The following SCN11A variants were observed in gnomAD, a reference collection of about 807,000 sequenced individuals.
SCN11A encodes the protein sodium channel protein type 11 subunit alpha.
Under a neutral mutation model 162.2 loss-of-function variants are expected in SCN11A, and 122 were observed. The observed-to-expected ratio is 0.75, with a 90% CI of 0.65 to 0.87. SCN11A has a LOEUF of 0.87. Ranked by LOEUF, SCN11A falls within the 40% of genes least tolerant of loss-of-function variation. The pLI, the probability that SCN11A is intolerant of heterozygous loss-of-function variation, is 0.00. For synonymous variants in SCN11A, 758 were observed against 751.5 expected (o/e 1.01, Z -0.14); for missense variants, 2,015 against 2,181.6 (o/e 0.92, Z 1.52).
chr3:39,039,241 GC>G (rs2031981363), intron 1 of SCN11A, among the ~76,000 whole-genome samples: 1 of 152,204 alleles, frequency 6.6e-6, no homozygotes, highest in Admixed American at 6.5e-5. Context: ...AACCACCGAA[GC>G]CCAGAATTTC....
intron 1 of SCN11A, among the ~76,000 whole-genome samples, chr3:39,042,497 A>T (rs925584142): frequency 6.6e-6 from 1 of 152,226 alleles, no homozygotes; most frequent in Non-Finnish European, 1.5e-5. Flanking sequence ...ATGGGATCAC[A>T]TCAAGATTCC....
chr3:38,872,446 A>G, intron 23 of SCN11A, 152 bp from the exon 24 acceptor site: 1 of 574,162 alleles, frequency 1.7e-6, no homozygotes, highest in South Asian at 2.1e-5. Flanking sequence ...AAATCCGAGA[A>G]ATTGTTGTGA....
Position 38,845,804 on chromosome 3 carries a change from T to TATCAGATATATATATATCAG in SCN11A, c.*889_*890insCTGATATATATATATCTGAT, listed in dbSNP as rs1005191612. 7 of 152,150 alleles carry TATCAGATATATATATATCAG rather than the reference T, an allele frequency of 4.6e-5. No homozygotes were observed. The highest frequency in any genetic ancestry group is 1.7e-4 in the African/African-American group (7 of 41,428). The allele number at this position is 152,150 out of a possible 1,614,324, so 9.4% of individuals were successfully genotyped here. A position where few individuals can be genotyped will look rare whatever the true frequency, so the allele number is the denominator to read the frequency against. The stretch of plus-strand genomic sequence containing the variant: ...CAGAAAGCTTTATTGAATTTATATA[T>TATCAGATATATATATATCAG]ATATATATATCTGAGATGGTAGCTT... On this transcript the variant is annotated 3_prime_UTR_variant, in exon 30 of 30. Transcript: ENST00000302328.
chr3:38,981,585 C>A (rs2030060629), intron 2 of SCN11A, among the ~76,000 whole-genome samples: 1 of 150,428 alleles, frequency 6.6e-6, no homozygotes, highest in East Asian at 1.9e-4. Flanking sequence ...CATCCGTGGT[C>A]TCAGGAAAGA....
At chr3:38,886,549 A>T (rs2126109606) in intron 19 of SCN11A, among the ~76,000 whole-genome samples, 1 of 152,316 alleles carries the variant, frequency 6.6e-6, no homozygotes, top group South Asian at 2.1e-4. Flanking sequence ...TTACATGGGG[A>T]TTTAATATAT....
At chr3:39,044,925 A>G (rs908455958) in intron 1 of SCN11A, among the ~76,000 whole-genome samples, 2 of 152,052 alleles carry the variant, frequency 1.3e-5, no homozygotes, top group Non-Finnish European at 2.9e-5. Context: ...GTAATTTTAA[A>G]AAAAGAGAGC....
chr3:38,986,541 C>T (rs757080314), intron 2 of SCN11A, among the ~76,000 whole-genome samples: 1 of 152,158 alleles, frequency 6.6e-6, no homozygotes, highest in Non-Finnish European at 1.5e-5. Context: ...AACCCCGAAA[C>T]TGAAGATGTA....
At chr3:38,932,289 G>A (rs1348437921) in intron 7 of SCN11A, among the ~76,000 whole-genome samples, 3 of 152,248 alleles carry the variant, frequency 2.0e-5, no homozygotes, top group East Asian at 3.8e-4. Flanking sequence ...CCCAGCGTGA[G>A]CGACGCAGAA....
chr3:38,950,571 A>G, intron 4 of SCN11A: 5 of 578,002 alleles, frequency 8.7e-6, no homozygotes, highest in Non-Finnish European at 1.5e-5. Context: ...AACTTTTGGC[A>G]TAGACAAAAC....
Position 39,041,309 on chromosome 3 carries a change from T to C in SCN11A, c.-403-8806A>G, listed in dbSNP as rs78241931. 9.9e-3 allele frequency among the ~76,000 whole-genome samples: 1,514 copies of C among 152,232 alleles called. 27 individuals carry two copies. The highest frequency in any genetic ancestry group is 0.034 in the African/African-American group (1,424 of 41,526). ...TTGATGAAATAATCACTGAAACCCT[T>C]CTAAGACTTTGGAGACATATGGACA... On this transcript the variant is annotated intron_variant, in intron 1 of 29. Coordinates refer to ENST00000302328, the MANE Select transcript of SCN11A (RefSeq NM_001349253.2).
intron 13 of SCN11A, among the ~76,000 whole-genome samples, chr3:38,908,433 G>A (rs1013974984): frequency 7.9e-5 from 12 of 152,170 alleles, no homozygotes; most frequent in Non-Finnish European, 5.9e-5. Context: ...CAGATGTTAA[G>A]CACTTACGAT....
intron 1 of SCN11A, among the ~76,000 whole-genome samples, chr3:39,039,684 C>T (rs115672529): frequency 0.024 from 3,727 of 152,248 alleles, 76 homozygotes; most frequent in South Asian, 0.062. Context: ...ATGTGCCTGG[C>T]CAGCCACCTG....
Position 38,910,628 on chromosome 3 carries a change from C to T in SCN11A, c.960-421G>A, listed in dbSNP as rs551636760. Among the ~76,000 whole-genome samples the T allele has an allele frequency of 1.1e-4, 16 of 152,238 alleles. No homozygotes were observed. The South Asian group carries it at 3.3e-3, about 32-fold the overall frequency. On this transcript the variant is annotated intron_variant, in intron 11 of 29. Transcript: ENST00000302328. ...TATAATACACAAAAATGGGAACATGCTTTGCACTCTCCTGCACCTTGCTTT... is the reference window on the plus strand; with the variant it reads ...TATAATACACAAAAATGGGAACATGTTTTGCACTCTCCTGCACCTTGCTTT...
chr3:38,948,156 T>C (rs2066546863), intron 5 of SCN11A, among the ~76,000 whole-genome samples: 1 of 152,230 alleles, frequency 6.6e-6, no homozygotes, highest in Non-Finnish European at 1.5e-5. Flanking sequence ...TTTAAAAATA[T>C]GAGCCAGGAG....
intron 1 of SCN11A, among the ~76,000 whole-genome samples, chr3:39,046,090 T>A (rs1486909754): frequency 6.6e-6 from 1 of 152,138 alleles, no homozygotes; most frequent in Non-Finnish European, 1.5e-5. Context: ...CAAAACCCTG[T>A]CTGTACTAAA....
chr3:38,883,878 A>G (rs1215976864), intron 21 of SCN11A, among the ~76,000 whole-genome samples: 1 of 152,314 alleles, frequency 6.6e-6, no homozygotes, highest in East Asian at 1.9e-4. Flanking sequence ...TTTGGTAATC[A>G]TAAAGAGATC....
chr3:38,889,936 C>T (rs2065471347), intron 19 of SCN11A, among the ~76,000 whole-genome samples: 1 of 151,708 alleles, frequency 6.6e-6, no homozygotes. Flanking sequence ...GATTACACCA[C>T]CATGAAATGC....
chr3:39,039,812 C>T (rs2031998453), intron 1 of SCN11A, among the ~76,000 whole-genome samples: 1 of 152,056 alleles, frequency 6.6e-6, no homozygotes, highest in Non-Finnish European at 1.5e-5. Context: ...AGACCCTGCC[C>T]CCTCCAGTGG....
chr3:39,025,135 C>G (rs1214346784), intron 2 of SCN11A, among the ~76,000 whole-genome samples: 3 of 152,052 alleles, frequency 2.0e-5, no homozygotes, highest in African/African-American at 4.8e-5. Context: ...CCCCCCTTAA[C>G]CCCTGGGGAA....
Sources: gnomAD v4.1 joint callset for allele counts (sites outside exome capture counted in the v4.1 genomes callset) on GRCh38, gnomAD v4.1.1 for gene constraint, MANE v1.5 for transcripts, NCBI Gene and HGNC (gene_info 2026-07-23, HGNC 2026-07-21) for gene names.